EGFR: variants seen among roughly 807,000 people sequenced by gnomAD.
EGFR encodes the protein epidermal growth factor receptor, also known as avian erythroblastic leukemia viral (v-erb-b) oncogene homolog.
In EGFR, 58 loss-of-function variants were observed where a neutral mutation model predicts 143.0. That is an observed-to-expected ratio of 0.41 (90% CI 0.33 to 0.50). EGFR has a LOEUF of 0.50. EGFR is among the 20% of genes least tolerant of loss of function. The probability of loss-of-function intolerance (pLI) is 0.39; values close to 1 mark genes in which losing one functional copy is unlikely to be tolerated. For missense variants in EGFR, 1,307 were observed against 1,579.0 expected, an observed-to-expected ratio of 0.83 and a Z score of 2.92; for synonymous variants, 613 against 594.4, an observed-to-expected ratio of 1.03 and a Z score of -0.45.
At chr7:55,147,666 T>C (rs1458790713) in intron 4 of EGFR, among the ~76,000 whole-genome samples, 1 of 152,248 alleles carries the variant, frequency 6.6e-6, no homozygotes, top group South Asian at 2.1e-4. Context: ...TAAGTTACAA[T>C]GTCAGTGGCA....
At chr7:55,066,810 G>A (rs929002309) in intron 1 of EGFR, among the ~76,000 whole-genome samples, 7 of 152,138 alleles carry the variant, frequency 4.6e-5, no homozygotes, top group Admixed American at 2.0e-4. Flanking sequence ...TGAGATAGAC[G>A]GGAACAAAGT....
At chr7:55,177,377 T>C (rs568845413) in intron 19 of EGFR, among the ~76,000 whole-genome samples, 79 of 152,302 alleles carry the variant, frequency 5.2e-4, no homozygotes, top group Middle Eastern at 3.4e-3. Flanking sequence ...GGGCCATGTG[T>C]GCTCTTAGAA....
intron 1 of EGFR, among the ~76,000 whole-genome samples, chr7:55,078,391 A>G (rs1790258960): frequency 2.0e-5 from 3 of 150,918 alleles, no homozygotes; most frequent in African/African-American, 7.3e-5. Flanking sequence ...CCAGGGTACC[A>G]CGCCACGTAG....
In EGFR at chr7:55,096,184, C is replaced by T. The variant is rs958862008; in HGVS notation, c.89-46102C>T. On this transcript the variant is annotated intron_variant, in intron 1 of 27. Coordinates refer to ENST00000275493, the MANE Select transcript of EGFR (RefSeq NM_005228.5). The stretch of plus-strand genomic sequence containing the variant: ...GTTCAGCACAAAAGCGTATCCCAGG[C>T]CCTCTGGCTCCAACTGCAGCCCTTT... 7.2e-5 allele frequency among the ~76,000 whole-genome samples: 11 copies of T among 152,218 alleles called. 1 individual carries two copies. The South Asian group carries it at 1.7e-3, about 23-fold the overall frequency.
intron 1 of EGFR, among the ~76,000 whole-genome samples, chr7:55,109,002 C>T (rs17289413): frequency 0.038 from 5,810 of 152,172 alleles, 233 homozygotes; most frequent in East Asian, 0.2. Context: ...ATTGTGAGGA[C>T]GGTCATTGCT....
chr7:55,152,249 C>A (rs777287743), intron 5 of EGFR: 8 of 555,562 alleles, frequency 1.4e-5, no homozygotes, highest in Non-Finnish European at 2.7e-5. Flanking sequence ...TACTTCCCAG[C>A]AGGTATTTTT....
intron 1 of EGFR, among the ~76,000 whole-genome samples, chr7:55,051,610 C>G (rs181957492): frequency 9.5e-4 from 144 of 152,260 alleles, no homozygotes; most frequent in African/African-American, 3.4e-3. Flanking sequence ...TATAAATTAC[C>G]CAGTCTGTGG....
intron 15 of EGFR, among the ~76,000 whole-genome samples, chr7:55,167,919 G>A (rs1018716808): frequency 7.9e-5 from 12 of 152,076 alleles, no homozygotes; most frequent in African/African-American, 2.9e-4. Context: ...AAAGGTAATG[G>A]GAATAGCTCT....
intron 20 of EGFR, among the ~76,000 whole-genome samples, chr7:55,186,811 C>T (rs1787157358): frequency 6.6e-6 from 1 of 152,176 alleles, no homozygotes. Flanking sequence ...GGAAGGGAAG[C>T]AGGTCAGAGC....
At chr7:55,200,503 C>T (rs2128970215) in intron 24 of EGFR, 90 bp downstream of exon 24, 12 of 1,298,106 alleles carry the variant, frequency 9.2e-6, no homozygotes, top group Middle Eastern at 3.7e-4. Flanking sequence ...AGCCTGGCCT[C>T]CCTGTGTCCC....
intron 1 of EGFR, among the ~76,000 whole-genome samples, chr7:55,100,152 G>A (rs909355790): frequency 6.6e-6 from 1 of 152,216 alleles, no homozygotes; most frequent in Non-Finnish European, 1.5e-5. Context: ...CTTTCAGCAC[G>A]CATCCTTTCT....
rs1419797868 is a variant in EGFR, at chr7:55,175,730, G to C, written c.2283+910G>C. ...ACAGCCAAGAAGGACAAAAGCCAGA[G>C]AGTAATATCCTCCGCCTCATGTCTA... On this transcript the variant is annotated intron_variant, in intron 19 of 27. Coordinates refer to ENST00000275493, the MANE Select transcript of EGFR (RefSeq NM_005228.5). 2.0e-5 allele frequency among the ~76,000 whole-genome samples: 3 copies of C among 152,192 alleles called. 1 individual carries two copies. In the East Asian group the frequency reaches 5.8e-4, roughly 29 times the overall value.
chr7:55,067,727 C>T (rs1789584191), intron 1 of EGFR, among the ~76,000 whole-genome samples: 1 of 151,396 alleles, frequency 6.6e-6, no homozygotes, highest in Non-Finnish European at 1.5e-5. Context: ...AACATGATTT[C>T]ATATGCACGT....
At chr7:55,066,889 T>C (rs530674548) in intron 1 of EGFR, among the ~76,000 whole-genome samples, 1 of 152,334 alleles carries the variant, frequency 6.6e-6, no homozygotes, top group East Asian at 1.9e-4. Flanking sequence ...TTCATATAGA[T>C]ATTCCAAAAC....
At chr7:55,045,523 G>T (rs1017893025) in intron 1 of EGFR, among the ~76,000 whole-genome samples, 10 of 152,092 alleles carry the variant, frequency 6.6e-5, no homozygotes, top group African/African-American at 1.4e-4. Context: ...AACAAAAGTG[G>T]CCTGAAGAGA....
intron 1 of EGFR, among the ~76,000 whole-genome samples, chr7:55,128,427 T>A (rs1361311236): frequency 1.3e-5 from 2 of 152,192 alleles, no homozygotes; most frequent in African/African-American, 4.8e-5. Flanking sequence ...CCCTTAAATA[T>A]GAAAGCTATT....
At chr7:55,158,610 C>G (rs901674265) in intron 11 of EGFR, among the ~76,000 whole-genome samples, 3 of 152,194 alleles carry the variant, frequency 2.0e-5, no homozygotes, top group Non-Finnish European at 2.9e-5. Flanking sequence ...GAGCAATTTT[C>G]TTGGATGGCT....
At chr7:55,191,132 C>T (rs1200588751) in intron 20 of EGFR, among the ~76,000 whole-genome samples, 1 of 152,156 alleles carries the variant, frequency 6.6e-6, no homozygotes, top group Non-Finnish European at 1.5e-5. Flanking sequence ...ATTGTGGAGG[C>T]AGCCAGGGAG....
chr7:55,101,613 T>C (rs79285093), intron 1 of EGFR, among the ~76,000 whole-genome samples: 1,991 of 152,336 alleles, frequency 0.013, 47 homozygotes, highest in African/African-American at 0.045. Context: ...CTGAGGCTGC[T>C]GCCCTGACCT....
Sources: gnomAD v4.1 joint callset for allele counts (sites outside exome capture counted in the v4.1 genomes callset) on GRCh38, gnomAD v4.1.1 for gene constraint, MANE v1.5 for transcripts, NCBI Gene and HGNC (gene_info 2026-07-23, HGNC 2026-07-21) for gene names.